The following GRID2 variants were observed in gnomAD, a reference collection of about 807,000 sequenced individuals.
GRID2 encodes glutamate ionotropic receptor delta type subunit 2.
A neutral mutation model predicts 114.8 loss-of-function variants in GRID2; 33 were observed. The observed-to-expected ratio is 0.29, with a 90% CI of 0.22 to 0.38. GRID2 has a LOEUF of 0.38. Among genes scored for constraint, GRID2 ranks in the 10% least tolerant of loss-of-function variants. GRID2 has a pLI of 1.00. For missense variants in GRID2, 1,184 were observed against 1,257.7 expected (o/e 0.94, Z 0.89); for synonymous variants, 505 against 449.9 (o/e 1.12, Z -1.55).
intron 2 of GRID2, among the ~76,000 whole-genome samples, chr4:92,669,945 G>C (rs1341293698): frequency 6.6e-6 from 1 of 151,936 alleles, no homozygotes; most frequent in African/African-American, 2.4e-5. Flanking sequence ...TGTACTGTAG[G>C]TAATTGAGCT....
At chr4:92,861,820 C>T (rs557464351) in intron 2 of GRID2, among the ~76,000 whole-genome samples, 2 of 152,006 alleles carry the variant, frequency 1.3e-5, no homozygotes, top group Admixed American at 6.6e-5. Flanking sequence ...CCAATTTTAC[C>T]TTCCCACCTC....
chr4:92,416,035 G>C (rs1227441534), intron 1 of GRID2, among the ~76,000 whole-genome samples: 1 of 151,718 alleles, frequency 6.6e-6, no homozygotes, highest in East Asian at 1.9e-4. Context: ...GTTTAAAAGT[G>C]TTCTCTTTTC....
chr4:92,517,496 G>T (rs1724554939), intron 1 of GRID2, among the ~76,000 whole-genome samples: 1 of 151,938 alleles, frequency 6.6e-6, no homozygotes, highest in African/African-American at 2.4e-5. Context: ...TAATTTGTGT[G>T]TGTGAATGTG....
intron 2 of GRID2, among the ~76,000 whole-genome samples, chr4:92,711,029 C>T (rs2149309452): frequency 6.6e-6 from 1 of 151,418 alleles, no homozygotes; most frequent in East Asian, 1.9e-4. Context: ...TTAATTTTCC[C>T]TGGAGGTTAA....
intron 8 of GRID2, among the ~76,000 whole-genome samples, chr4:93,342,931 G>A (rs1357942071): frequency 5.3e-5 from 8 of 152,092 alleles, no homozygotes; most frequent in East Asian, 1.9e-4. Flanking sequence ...CAAGGCCCCC[G>A]AGGGCAGAGT....
chr4:93,421,169 A>G (rs1016276787), intron 9 of GRID2, among the ~76,000 whole-genome samples: 1 of 152,086 alleles, frequency 6.6e-6, no homozygotes, highest in Admixed American at 6.6e-5. Context: ...CAGCCATTGT[A>G]TGTTCTTTCT....
chr4:93,657,202 T>G (rs1723099893), intron 14 of GRID2, among the ~76,000 whole-genome samples: 1 of 152,208 alleles, frequency 6.6e-6, no homozygotes, highest in African/African-American at 2.4e-5. Context: ...TTTCACACAG[T>G]ATTTCTTTAT....
chr4:92,848,506 C>T (rs1464154555), intron 2 of GRID2, among the ~76,000 whole-genome samples: 4 of 151,956 alleles, frequency 2.6e-5, no homozygotes, highest in Non-Finnish European at 5.9e-5. Flanking sequence ...AAACGATCAT[C>T]ATGAAATAGA....
At chr4:92,710,355 A>G (rs1232129436) in intron 2 of GRID2, among the ~76,000 whole-genome samples, 1 of 152,204 alleles carries the variant, frequency 6.6e-6, no homozygotes, top group Non-Finnish European at 1.5e-5. Flanking sequence ...TTGATTATTT[A>G]TAGTTTGTGG....
chr4:92,690,466 A>T (rs1734131726), intron 2 of GRID2, among the ~76,000 whole-genome samples: 1 of 152,208 alleles, frequency 6.6e-6, no homozygotes, highest in Non-Finnish European at 1.5e-5. Context: ...CTGAACACAG[A>T]TCACCATAAC....
At chr4:93,080,299 A>G (rs1406280137) in intron 2 of GRID2, among the ~76,000 whole-genome samples, 3 of 152,224 alleles carry the variant, frequency 2.0e-5, no homozygotes, top group African/African-American at 2.4e-5. Flanking sequence ...ATATTTAGTC[A>G]TCATAGAAAG....
rs151153487 is a variant in GRID2, at chr4:93,538,184, T to C, written c.2193+22773T>C. Among the ~76,000 whole-genome samples, 940 of 151,600 alleles carry C rather than the reference T, an allele frequency of 6.2e-3. 8 individuals carry two copies. Among genetic ancestry groups the C allele is most frequent in the South Asian group, 0.022 (106 of 4,800 alleles). On this transcript the variant is annotated intron_variant, in intron 13 of 15. Transcript: ENST00000282020. ...GATGTTAAGACTGGTGCAGGAAAAA[T>C]AGAAGGTGAATCTGGAAAATTTTTT...
At chr4:92,402,951 T>A (rs896083766) in intron 1 of GRID2, among the ~76,000 whole-genome samples, 1 of 152,250 alleles carries the variant, frequency 6.6e-6, no homozygotes, top group Non-Finnish European at 1.5e-5. Context: ...CTTCTTTAAA[T>A]GATCTTAACC....
At chr4:93,415,566 G>C (rs1306127372) in intron 9 of GRID2, among the ~76,000 whole-genome samples, 1 of 151,964 alleles carries the variant, frequency 6.6e-6, no homozygotes, top group South Asian at 2.1e-4. Context: ...TGAGAACTAG[G>C]GTACTTAGGA....
chr4:92,501,254 A>G (rs1345679325), intron 1 of GRID2, among the ~76,000 whole-genome samples: 1 of 152,174 alleles, frequency 6.6e-6, no homozygotes, highest in African/African-American at 2.4e-5. Context: ...GGCAAGGAAT[A>G]AAGTGAGTGC....
At chr4:93,144,582 A>G (rs956727729) in intron 4 of GRID2, among the ~76,000 whole-genome samples, 10 of 152,188 alleles carry the variant, frequency 6.6e-5, no homozygotes, top group African/African-American at 2.4e-4. Flanking sequence ...TTTCATGTGT[A>G]GGAATTAGCC....
chr4:92,762,404 CTT>C (rs1208296924), intron 2 of GRID2, among the ~76,000 whole-genome samples: 1 of 151,376 alleles, frequency 6.6e-6, no homozygotes, highest in East Asian at 1.9e-4. Flanking sequence ...GAAATAGACT[CTT>C]TTATCTGTCA....
At chr4:93,749,604 T>G (rs1732137903) in intron 14 of GRID2, among the ~76,000 whole-genome samples, 2 of 152,190 alleles carry the variant, frequency 1.3e-5, no homozygotes, top group African/African-American at 2.4e-5. Flanking sequence ...ATTCATACCA[T>G]GCCCTCTCCT....
At chr4:92,811,649 G>T (rs1578222754) in intron 2 of GRID2, among the ~76,000 whole-genome samples, 1 of 151,974 alleles carries the variant, frequency 6.6e-6, no homozygotes, top group African/African-American at 2.4e-5. Flanking sequence ...CAGGAAAATT[G>T]ACCTATATGA....
Sources: gnomAD v4.1 joint callset for allele counts (sites outside exome capture counted in the v4.1 genomes callset) on GRCh38, gnomAD v4.1.1 for gene constraint, MANE v1.5 for transcripts, NCBI Gene and HGNC (gene_info 2026-07-23, HGNC 2026-07-21) for gene names.